The following NIN variants were observed in gnomAD, a reference collection of about 807,000 sequenced individuals.
NIN encodes the protein glycogen synthase kinase 3 beta-interacting protein.
A neutral mutation model predicts 257.6 loss-of-function variants in NIN; 137 were observed. That is an observed-to-expected ratio of 0.53 (90% CI 0.46 to 0.61). The LOEUF (loss-of-function observed/expected upper bound fraction) is 0.61, where lower values mean the gene tolerates loss of function less well. Among genes scored for constraint, NIN ranks in the 20% least tolerant of loss-of-function variants. NIN has a pLI of 0.00. For missense variants in NIN, 2,439 were observed against 2,501.2 expected, an observed-to-expected ratio of 0.98 and a Z score of 0.53; for synonymous variants, 918 against 919.8, an observed-to-expected ratio of 1.00 and a Z score of 0.04.
In NIN at chr14:50,760,145, A is replaced by G. The variant is rs749519542; in HGVS notation, c.2111T>C (p.Leu704Pro). 2 of 1,614,124 alleles carry G rather than the reference A, an allele frequency of 1.2e-6. No homozygotes were observed. Among genetic ancestry groups the G allele is most frequent in the Admixed American group, 3.3e-5 (2 of 60,022 alleles). The change falls in exon 17 of 31, where the codon CTG (leucine) becomes CCG (proline). Residue 704 changes from leucine to proline, a missense_variant. Transcript: ENST00000530997. ...TCRHEEEKKQ[L>P]QVKLEEEKTH... ...CTTTTCCTCCTCAAGCTTCACTTGC[A>G]GTTGTTTTTTCTCCTCCTCATGCCT...
chr14:50,795,500 ATTATAAGACACTCTTACCCAC>A (rs1244139648), intron 4 of NIN, among the ~76,000 whole-genome samples: 1 of 152,202 alleles, frequency 6.6e-6, no homozygotes, highest in Non-Finnish European at 1.5e-5. Context: ...AACCATGGGG[ATTATAAGACACTCTTACCCAC>A]TCAAGTTAAA....
At chr14:50,730,925 TCA>T (rs1476987464) in intron 28 of NIN, 3 of 1,346,252 alleles carry the variant, frequency 2.2e-6, no homozygotes, top group Non-Finnish European at 9.8e-7. Flanking sequence ...TGTTCTACCT[TCA>T]CACACTATCT....
chr14:50,747,955 T>C (rs764213766), intron 22 of NIN, 37 bp downstream of exon 22: 5 of 1,369,780 alleles, frequency 3.7e-6, no homozygotes, highest in South Asian at 2.3e-5. Context: ...AGGTACATAT[T>C]GTTCTGTGAA....
intron 3 of NIN, among the ~76,000 whole-genome samples, chr14:50,807,792 G>A (rs549200006): frequency 6.6e-6 from 1 of 152,254 alleles, no homozygotes; most frequent in East Asian, 1.9e-4. Flanking sequence ...ATCATATCAT[G>A]TCTTATCTAT....
At chr14:50,730,555 T>A (rs1484774118) in intron 28 of NIN, among the ~76,000 whole-genome samples, 1 of 151,030 alleles carries the variant, frequency 6.6e-6, no homozygotes, top group African/African-American at 2.4e-5. Flanking sequence ...TATAACTAAA[T>A]GTTGTCATGA....
At chr14:50,735,925 A>C (rs904070889) in intron 27 of NIN, among the ~76,000 whole-genome samples, 3 of 152,234 alleles carry the variant, frequency 2.0e-5, no homozygotes, top group African/African-American at 7.2e-5. Context: ...TGTACAGTAC[A>C]TATCACTGAA....
intron 29 of NIN, among the ~76,000 whole-genome samples, chr14:50,728,969 C>CG (rs1358099681): frequency 6.6e-6 from 1 of 152,126 alleles, no homozygotes; most frequent in Non-Finnish European, 1.5e-5. Flanking sequence ...GCAGGCTGCA[C>CG]GGCTCTGGCA....
rs138262528 is a variant in NIN at position 50,739,324 on chromosome 14, G to A, written c.5612C>T (p.Thr1871Met). 14 of 1,613,920 alleles carry A rather than the reference G, an allele frequency of 8.7e-6. No homozygotes were observed. Among genetic ancestry groups the A allele is most frequent in the East Asian group, 2.2e-5 (1 of 44,886 alleles). ...TMVQNTKAEL[T>M]HSREKVRQLE... Reference sequence around the variant, plus strand: ...TCCAATTACCTTCTCCCGGGAGTGCGTGAGTTCGGCTTTGGTGTTCTGTAC... The same window carrying A: ...TCCAATTACCTTCTCCCGGGAGTGCATGAGTTCGGCTTTGGTGTTCTGTAC... Residue 1871 changes from threonine to methionine, a missense_variant, in exon 26 of 31, where the codon ACG (threonine) becomes ATG (methionine). Transcript: ENST00000530997.
At chr14:50,800,190 CATAGCACAGTTTA>C (rs2044034510) in intron 4 of NIN, among the ~76,000 whole-genome samples, 1 of 152,162 alleles carries the variant, frequency 6.6e-6, no homozygotes, top group African/African-American at 2.4e-5. Context: ...AGTATTCTTT[CATAGCACAGTTTA>C]ATAGCTACTT....
At chr14:50,784,480 A>G (rs1180168774) in intron 5 of NIN, among the ~76,000 whole-genome samples, 1 of 152,230 alleles carries the variant, frequency 6.6e-6, no homozygotes, top group Non-Finnish European at 1.5e-5. Context: ...AGCACTTACA[A>G]CAGTGCCCAT....
chr14:50,736,146 T>A (rs1430007222), intron 27 of NIN, among the ~76,000 whole-genome samples: 1 of 151,840 alleles, frequency 6.6e-6, no homozygotes, highest in Admixed American at 6.6e-5. Context: ...GTACCTTTTT[T>A]TTTTGAGACA....
At chr14:50,828,769 T>C (rs2045573573) in intron 2 of NIN, among the ~76,000 whole-genome samples, 1 of 152,222 alleles carries the variant, frequency 6.6e-6, no homozygotes, top group African/African-American at 2.4e-5. Flanking sequence ...ATTTGACTCA[T>C]GATAAGAATA....
At chr14:50,727,231 C>T in intron 29 of NIN, 4 of 938,812 alleles carry the variant, frequency 4.3e-6, no homozygotes, top group Non-Finnish European at 5.1e-6. Context: ...CAAAGGCAGT[C>T]ATATACTTAA....
chr14:50,739,442 G>A lies in NIN; in HGVS notation c.5494C>T (p.Gln1832Ter). The A allele has an allele frequency of 6.2e-7, 1 of 1,614,180 alleles. No individual in the cohort carries two copies. Among genetic ancestry groups the A allele is most frequent in the Non-Finnish European group, 8.5e-7 (1 of 1,180,028 alleles). ...TTGTCCCAGGACAGCCTTTTCTGCT[G>A]GTTATGGAGCCCTGATGGATGAGTA... ...IATHPSGLHNQQKRLSWDKLD... is the reference protein window; with the variant it reads ...IATHPSGLHN The change falls in exon 26 of 31, where the codon CAG becomes TAG. Residue 1832 changes from glutamine to a stop codon, truncating the protein, a stop_gained. Transcript: ENST00000530997. LOFTEE classifies it high-confidence loss of function.
intron 30 of NIN, among the ~76,000 whole-genome samples, chr14:50,725,016 C>T (rs1599969): frequency 0.31 from 46,732 of 152,000 alleles, 7,805 homozygotes; most frequent in South Asian, 0.38. Flanking sequence ...CTGTTGTATC[C>T]CTGTGCCCAC....
At chr14:50,813,449 AAATT>A (rs2044733986) in intron 3 of NIN, among the ~76,000 whole-genome samples, 2 of 152,250 alleles carry the variant, frequency 1.3e-5, no homozygotes, top group Admixed American at 1.3e-4. Flanking sequence ...CATTTAAACT[AAATT>A]AAGAGGAAGA....
chr14:50,770,088 C>A (rs1416785041), intron 12 of NIN, among the ~76,000 whole-genome samples: 1 of 152,136 alleles, frequency 6.6e-6, no homozygotes, highest in Non-Finnish European at 1.5e-5. Context: ...TTTGGAGTAG[C>A]AGCGGGAGGA....
chr14:50,753,842 C>G (rs1369645449), intron 20 of NIN, among the ~76,000 whole-genome samples: 1 of 151,944 alleles, frequency 6.6e-6, no homozygotes, highest in Non-Finnish European at 1.5e-5. Flanking sequence ...TGAATTTGCA[C>G]TTCTCTAATC....
chr14:50,816,830 T>C (rs1051276621), intron 3 of NIN, among the ~76,000 whole-genome samples: 8 of 152,230 alleles, frequency 5.3e-5, no homozygotes, highest in African/African-American at 1.7e-4. Context: ...TGTTCCTCCC[T>C]GCCTGTTCTA....
Sources: allele counts gnomAD v4.1 joint callset (sites outside exome capture counted in the v4.1 genomes callset), GRCh38; gene constraint gnomAD v4.1.1; transcripts MANE v1.5; gene names NCBI Gene and HGNC (gene_info 2026-07-23, HGNC 2026-07-21).